Variants in B3GALT1 observed in about 807,000 individuals in gnomAD.
B3GALT1 encodes beta-1,3-galactosyltransferase 1.
A neutral mutation model predicts 23.2 loss-of-function variants in B3GALT1; 10 were observed. That is an observed-to-expected ratio of 0.43 (90% confidence interval 0.27 to 0.73). The LOEUF (loss-of-function observed/expected upper bound fraction) is 0.73. Among genes scored for constraint, B3GALT1 ranks in the 30% least tolerant of loss-of-function variants. The pLI is 0.21. For synonymous variants in B3GALT1, 156 were observed against 141.5 expected (o/e 1.10, Z -0.73); for missense variants, 299 against 405.4 (o/e 0.74, Z 2.25).
Position 167,445,028 on chromosome 2 carries a change from T to C in B3GALT1, c.-510-45149T>C, listed in dbSNP as rs530696180. On this transcript the variant is annotated intron_variant, in intron 1 of 4. Coordinates refer to ENST00000392690, the MANE Select transcript of B3GALT1 (RefSeq NM_020981.4). ...GTGCTATAAATTTCCCTCTACACAC[T>C]GCTTTAAATGTGTCCCAGAGATTCT... is the stretch of plus-strand genomic sequence containing the variant. Among the ~76,000 whole-genome samples, 98 of 152,356 alleles carry C rather than the reference T, an allele frequency of 6.4e-4. No homozygotes were observed. The South Asian group carries it at 0.019, about 29-fold the overall frequency.
intron 3 of B3GALT1, among the ~76,000 whole-genome samples, chr2:167,707,113 G>A (rs1439125036): frequency 6.6e-6 from 1 of 152,154 alleles, no homozygotes; most frequent in South Asian, 2.1e-4. Context: ...CCCACCTCCT[G>A]GTTGACAGCT....
chr2:167,683,211 T>C (rs1199993910), intron 3 of B3GALT1, among the ~76,000 whole-genome samples: 2 of 152,192 alleles, frequency 1.3e-5, no homozygotes, highest in African/African-American at 2.4e-5. Flanking sequence ...GTTAGTATTA[T>C]TAGGTACAGT....
intron 3 of B3GALT1, among the ~76,000 whole-genome samples, chr2:167,712,855 G>A (rs1286422932): frequency 6.6e-6 from 1 of 152,120 alleles, no homozygotes; most frequent in African/African-American, 2.4e-5. Flanking sequence ...TCTAATAGCA[G>A]AGATTTAGAA....
intron 2 of B3GALT1, among the ~76,000 whole-genome samples, chr2:167,556,315 G>C (rs1683850951): frequency 1.3e-5 from 2 of 152,102 alleles, no homozygotes; most frequent in Admixed American, 6.5e-5. Flanking sequence ...ATAGAAGCAG[G>C]TAAACAGTTT....
intron 2 of B3GALT1, among the ~76,000 whole-genome samples, chr2:167,551,360 T>C (rs1683742474): frequency 6.6e-6 from 1 of 152,186 alleles, no homozygotes; most frequent in Non-Finnish European, 1.5e-5. Context: ...GGTGGAGATG[T>C]TGCCTTTGGA....
intron 1 of B3GALT1, among the ~76,000 whole-genome samples, chr2:167,443,897 A>G (rs1014744391): frequency 5.3e-5 from 8 of 152,184 alleles, no homozygotes; most frequent in African/African-American, 1.9e-4. Flanking sequence ...AGAATTTCCA[A>G]CACTATGTTG....
chr2:167,843,319 T>A (rs1689686939), intron 4 of B3GALT1, among the ~76,000 whole-genome samples: 2 of 152,152 alleles, frequency 1.3e-5, no homozygotes, highest in Admixed American at 1.3e-4. Flanking sequence ...CAAGATAACA[T>A]ACCTGGAGTA....
At chr2:167,450,356 T>A (rs1379847805) in intron 1 of B3GALT1, among the ~76,000 whole-genome samples, 1 of 152,190 alleles carries the variant, frequency 6.6e-6, no homozygotes, top group South Asian at 2.1e-4. Flanking sequence ...ATCCATCTCC[T>A]CTAGGTTTTC....
At chr2:167,746,839 T>C (rs1445069815) in intron 3 of B3GALT1, among the ~76,000 whole-genome samples, 1 of 152,212 alleles carries the variant, frequency 6.6e-6, no homozygotes, top group Non-Finnish European at 1.5e-5. Context: ...AATCAATCTG[T>C]TTTTTCATTT....
chr2:167,819,740 C>A (rs1689066920), intron 4 of B3GALT1, among the ~76,000 whole-genome samples: 1 of 152,158 alleles, frequency 6.6e-6, no homozygotes, highest in African/African-American at 2.4e-5. Context: ...TGAGCCAATT[C>A]CCTGTGAGCT....
At chr2:167,412,910 A>G (rs1559089000) in intron 1 of B3GALT1, among the ~76,000 whole-genome samples, 1 of 152,138 alleles carries the variant, frequency 6.6e-6, no homozygotes, top group Non-Finnish European at 1.5e-5. Context: ...AAATGAAATA[A>G]GACACAAACT....
intron 2 of B3GALT1, among the ~76,000 whole-genome samples, chr2:167,526,202 CACAT>C (rs1441086609): frequency 1.3e-5 from 2 of 152,092 alleles, no homozygotes; most frequent in African/African-American, 4.8e-5. Context: ...CACACACACA[CACAT>C]ATATGTATAA....
intron 1 of B3GALT1, among the ~76,000 whole-genome samples, chr2:167,325,702 C>A (rs1023809975): frequency 3.6e-5 from 4 of 110,572 alleles, no homozygotes; most frequent in African/African-American, 6.6e-5. Flanking sequence ...ACCCTGTTTT[C>A]TTTTTTTTTT....
At chr2:167,447,585 C>T (rs774641786) in intron 1 of B3GALT1, among the ~76,000 whole-genome samples, 70 of 152,170 alleles carry the variant, frequency 4.6e-4, no homozygotes, top group Admixed American at 1.0e-3. Flanking sequence ...CCCAGCCTCT[C>T]TGCCCCCTTG....
At chr2:167,352,126 A>ATTTTT (rs79128775) in intron 1 of B3GALT1, among the ~76,000 whole-genome samples, 90 of 138,260 alleles carry the variant, frequency 6.5e-4, no homozygotes, top group African/African-American at 2.3e-3. Context: ...TACCCGGCTA[A>ATTTTT]TTTTTTTTTT....
chr2:167,465,963 C>CATTATCTGCAGAT (rs1255398148), intron 1 of B3GALT1, among the ~76,000 whole-genome samples: 3 of 152,126 alleles, frequency 2.0e-5, no homozygotes, highest in Non-Finnish European at 4.4e-5. Flanking sequence ...AGCTCAGTGA[C>CATTATCTGCAGAT]ATTATCTGCA....
intron 3 of B3GALT1, among the ~76,000 whole-genome samples, chr2:167,797,627 C>T (rs941069645): frequency 1.3e-5 from 2 of 152,190 alleles, no homozygotes; most frequent in Non-Finnish European, 1.5e-5. Flanking sequence ...TCTTCGCAAC[C>T]TCACCAACAT....
intron 3 of B3GALT1, among the ~76,000 whole-genome samples, chr2:167,650,433 A>G (rs1685841457): frequency 6.6e-6 from 1 of 151,344 alleles, no homozygotes; most frequent in South Asian, 2.1e-4. Context: ...TTTTGCAAGT[A>G]TTTTGTTGAG....
chr2:167,589,194 T>C (rs375282734), intron 2 of B3GALT1, among the ~76,000 whole-genome samples: 2 of 152,202 alleles, frequency 1.3e-5, no homozygotes, highest in Non-Finnish European at 1.5e-5. Context: ...AATCCTCCCA[T>C]TGCAGCCTCC....
Sources: allele counts gnomAD v4.1 joint callset (sites outside exome capture counted in the v4.1 genomes callset), GRCh38; gene constraint gnomAD v4.1.1; transcripts MANE v1.5; gene names NCBI Gene and HGNC (gene_info 2026-07-23, HGNC 2026-07-21).